Variants in SPATA17 observed in about 807,000 individuals in gnomAD.
The protein encoded by SPATA17 is spermatogenesis associated 17.
In SPATA17, 53 loss-of-function variants were observed where a neutral mutation model predicts 62.2. The observed-to-expected ratio is 0.85, with a 90% CI of 0.68 to 1.07. The LOEUF is 1.07. Ranked by LOEUF, SPATA17 falls within the 50% of genes least tolerant of loss-of-function variation. The probability of loss-of-function intolerance (pLI) is 0.00; values close to 1 mark genes in which losing one functional copy is unlikely to be tolerated. For synonymous variants in SPATA17, 146 were observed against 146.8 expected, an observed-to-expected ratio of 0.99 and a Z score of 0.04; for missense variants, 466 against 425.5, an observed-to-expected ratio of 1.10 and a Z score of -0.84.
At chr1:217,636,887 A>C (rs558080236) in intron 1 of SPATA17, among the ~76,000 whole-genome samples, 2 of 152,346 alleles carry the variant, frequency 1.3e-5, no homozygotes, top group East Asian at 3.9e-4. Context: ...AACACTTAAA[A>C]ATTTTTAAAA....
At chr1:217,777,039 A>G (rs1302618051) in intron 7 of SPATA17, among the ~76,000 whole-genome samples, 2 of 149,744 alleles carry the variant, frequency 1.3e-5, no homozygotes, top group Non-Finnish European at 3.0e-5. Context: ...TGTGGATACC[A>G]GGAGGCAGGG....
intron 9 of SPATA17, chr1:217,850,702 C>T: frequency 8.1e-7 from 1 of 1,229,502 alleles, no homozygotes; most frequent in Non-Finnish European, 1.2e-6. Flanking sequence ...AACACCTCCA[C>T]ACGCTCACCC....
intron 7 of SPATA17, among the ~76,000 whole-genome samples, chr1:217,776,226 A>G (rs1304843989): frequency 6.6e-6 from 1 of 152,086 alleles, no homozygotes; most frequent in Non-Finnish European, 1.5e-5. Context: ...GGTGGGGTGA[A>G]TGATGATTGT....
intron 5 of SPATA17, among the ~76,000 whole-genome samples, chr1:217,718,157 A>T (rs1672049924): frequency 6.6e-6 from 1 of 152,212 alleles, no homozygotes. Flanking sequence ...AATACAGTAA[A>T]TAATTTACTA....
At chr1:217,856,864 G>T (rs568069239) in intron 9 of SPATA17, among the ~76,000 whole-genome samples, 4 of 152,120 alleles carry the variant, frequency 2.6e-5, no homozygotes, top group Middle Eastern at 3.2e-3. Context: ...GAATAATGCC[G>T]GGTGATCTTT....
chr1:217,714,114 A>T (rs1348731384), intron 5 of SPATA17, among the ~76,000 whole-genome samples: 2 of 152,160 alleles, frequency 1.3e-5, no homozygotes, highest in African/African-American at 2.4e-5. Flanking sequence ...TCGGCTGGGC[A>T]CGGTGGCTCA....
intron 9 of SPATA17, among the ~76,000 whole-genome samples, chr1:217,827,482 T>C (rs758158508): frequency 3.9e-5 from 6 of 152,098 alleles, no homozygotes; most frequent in Non-Finnish European, 8.8e-5. Context: ...TCATCCAAGA[T>C]TTAGAACCGG....
intron 5 of SPATA17, among the ~76,000 whole-genome samples, chr1:217,722,009 G>A (rs548448905): frequency 1.3e-5 from 2 of 152,144 alleles, no homozygotes; most frequent in African/African-American, 4.8e-5. Flanking sequence ...GTCCCTTGGG[G>A]TTGGAAGAGG....
intron 9 of SPATA17, among the ~76,000 whole-genome samples, chr1:217,855,601 A>G (rs985302603): frequency 2.6e-5 from 4 of 152,172 alleles, no homozygotes; most frequent in African/African-American, 9.7e-5. Context: ...AATACAATGA[A>G]CTGGTCAAAC....
At chr1:217,697,029 G>A (rs1349108347) in intron 5 of SPATA17, among the ~76,000 whole-genome samples, 2 of 152,102 alleles carry the variant, frequency 1.3e-5, no homozygotes, top group Non-Finnish European at 2.9e-5. Flanking sequence ...TCTTTTGTTT[G>A]AGACAGTCTT....
At chr1:217,653,624 G>C (rs1480077615) in intron 3 of SPATA17, among the ~76,000 whole-genome samples, 1 of 151,672 alleles carries the variant, frequency 6.6e-6, no homozygotes, top group Non-Finnish European at 1.5e-5. Flanking sequence ...ATCGTTTTAA[G>C]AATCTTTGAC....
intron 6 of SPATA17, among the ~76,000 whole-genome samples, chr1:217,770,859 C>CG (rs928907002): frequency 4.2e-4 from 64 of 151,574 alleles, no homozygotes; most frequent in African/African-American, 1.5e-3. Flanking sequence ...ACAAATGGTA[C>CG]GTTTGCTCGT....
chr1:217,762,220 A>G lies in SPATA17; in HGVS notation c.520-12114A>G, dbSNP rs529319438. Among the ~76,000 whole-genome samples the G allele has an allele frequency of 2.6e-5, 4 of 152,184 alleles. 1 individual carries two copies. Among genetic ancestry groups the G allele is most frequent in the South Asian group, 4.2e-4 (2 of 4,810 alleles). ...CCATCCACTTTTCACACCTTTAGCT[A>G]TTTTTATTTAGAAAACACTCCAGTT... On this transcript the variant is annotated intron_variant, in intron 6 of 10. Coordinates refer to ENST00000366933, the MANE Select transcript of SPATA17 (RefSeq NM_138796.4).
intron 8 of SPATA17, among the ~76,000 whole-genome samples, chr1:217,798,640 G>A (rs1363483962): frequency 1.3e-5 from 2 of 152,282 alleles, no homozygotes; most frequent in East Asian, 3.9e-4. Context: ...GTCTTAATCA[G>A]CCTTTGTAAT....
At chr1:217,823,805 A>C (rs967730272) in intron 9 of SPATA17, among the ~76,000 whole-genome samples, 6 of 151,862 alleles carry the variant, frequency 4.0e-5, no homozygotes, top group African/African-American at 1.5e-4. Context: ...TGTCGGGTGC[A>C]TATATTTTTT....
intron 4 of SPATA17, among the ~76,000 whole-genome samples, chr1:217,682,089 T>A (rs761621811): frequency 6.6e-6 from 1 of 152,176 alleles, no homozygotes; most frequent in Non-Finnish European, 1.5e-5. Flanking sequence ...TGATGCTAAA[T>A]CTTTACGCAA....
chr1:217,761,760 C>T (rs1673177559), intron 6 of SPATA17, among the ~76,000 whole-genome samples: 1 of 151,976 alleles, frequency 6.6e-6, no homozygotes, highest in African/African-American at 2.4e-5. Flanking sequence ...CTGATATTTA[C>T]ATGTAAAGAG....
At chr1:217,633,157 TACTGC>T (rs1047500256) in intron 1 of SPATA17, among the ~76,000 whole-genome samples, 8 of 151,912 alleles carry the variant, frequency 5.3e-5, no homozygotes, top group African/African-American at 1.9e-4. Context: ...GAGATCGCAA[TACTGC>T]ACTCCAGCCT....
At position 217,736,690 on chromosome 1, in the gene SPATA17, G is replaced by A. The variant is rs564629521; in HGVS notation, c.396-5285G>A. ...GAGAAGCAGGGACCAATGCTGAAAG[G>A]CCTTGTAGGTTTGTATTGTGTGTTA... is the stretch of plus-strand genomic sequence containing the variant. On this transcript the variant is annotated intron_variant, in intron 5 of 10. Coordinates refer to ENST00000366933, the MANE Select transcript of SPATA17 (RefSeq NM_138796.4). 1.2e-4 allele frequency among the ~76,000 whole-genome samples: 19 copies of A among 152,242 alleles called. No individual in the cohort carries two copies. The South Asian group carries it at 3.9e-3, about 32-fold the overall frequency.
Sources: gnomAD v4.1 joint callset for allele counts (sites outside exome capture counted in the v4.1 genomes callset) on GRCh38, gnomAD v4.1.1 for gene constraint, MANE v1.5 for transcripts, NCBI Gene and HGNC (gene_info 2026-07-23, HGNC 2026-07-21) for gene names.